The following FAM161A variants were observed in gnomAD, a reference collection of about 807,000 sequenced individuals.
FAM161A encodes the protein protein FAM161A.
FAM161A carries 57 observed loss-of-function variants against 70.9 expected under a neutral mutation model. The ratio of observed to expected loss-of-function variants is 0.80; its 90% CI spans 0.65 to 1.00. FAM161A has a LOEUF of 1.00. Among genes scored for constraint, FAM161A ranks in the 50% least tolerant of loss-of-function variants. FAM161A has a pLI of 0.00. For missense variants in FAM161A, 880 were observed against 836.0 expected (o/e 1.05, Z -0.65); for synonymous variants, 299 against 295.7 (o/e 1.01, Z -0.12).
chr2:61,836,964 CA>C, intron 4 of FAM161A: 1 of 158,156 alleles, frequency 6.3e-6, no homozygotes, highest in South Asian at 1.5e-4. Flanking sequence ...TTCCTGGGCT[CA>C]AATGATCCTC....
chr2:61,811,592 C>G, the FAM161A span, among the ~76,000 whole-genome samples: 1 of 152,110 alleles, frequency 6.6e-6, no homozygotes, highest in African/African-American at 2.4e-5. Flanking sequence ...AGGTTGGTCT[C>G]GAACTCCTGA....
the FAM161A span, among the ~76,000 whole-genome samples, chr2:61,819,159 A>G: frequency 6.6e-6 from 1 of 152,224 alleles, no homozygotes; most frequent in Admixed American, 6.5e-5. Flanking sequence ...AAAGGCAGAG[A>G]GCTGTCTAGA....
At chr2:61,812,519 C>T in the FAM161A span, among the ~76,000 whole-genome samples, 3 of 150,776 alleles carry the variant, frequency 2.0e-5, no homozygotes, top group African/African-American at 7.3e-5. Flanking sequence ...GTCAGGAGTT[C>T]GAGACCAGCC....
chr2:61,812,300 A>G, the FAM161A span, among the ~76,000 whole-genome samples: 1 of 152,242 alleles, frequency 6.6e-6, no homozygotes, highest in Non-Finnish European at 1.5e-5. Flanking sequence ...ATGTATTCTC[A>G]GTACCTAGAT....
At chr2:61,812,885 C>T in the FAM161A span, among the ~76,000 whole-genome samples, 1 of 151,480 alleles carries the variant, frequency 6.6e-6, no homozygotes, top group Non-Finnish European at 1.5e-5. Context: ...CTGGCTAATA[C>T]GGTGAAACCC....
chr2:61,804,243 G>A, the FAM161A span, among the ~76,000 whole-genome samples: 3 of 152,126 alleles, frequency 2.0e-5, no homozygotes, highest in Admixed American at 6.6e-5. Context: ...GGTTTTAGCC[G>A]ACTTCTTTAC....
rs980944949 is a variant in FAM161A at position 61,837,718 on chromosome 2, G to T, written c.1751+820C>A. 2.0e-5 allele frequency among the ~76,000 whole-genome samples: 3 copies of T among 152,198 alleles called. No individual in the cohort carries two copies. In the Middle Eastern group the frequency reaches 0.01, roughly 518 times the overall value. ...CGGGATCCAGCCTAGGTGACAGAGC[G>T]AGACTCTGTCTCAAAAAAATAAATA... On this transcript the variant is annotated intron_variant, in intron 4 of 6. Transcript: ENST00000404929.
chr2:61,819,139 G>C, the FAM161A span, among the ~76,000 whole-genome samples: 1 of 152,080 alleles, frequency 6.6e-6, no homozygotes, highest in South Asian at 2.1e-4. Context: ...ACAATGAAAT[G>C]AAAGACAAAA....
Position 61,838,624 on chromosome 2 carries a change from C to T in FAM161A, c.1665G>A (p.Leu555=), listed in dbSNP as rs6545910. 187,005 of 1,611,266 alleles carry T rather than the reference C, an allele frequency of 0.12. 12,541 individuals are homozygous for T. Among genetic ancestry groups the T allele is most frequent in the Admixed American group, 0.28 (16,777 of 59,794 alleles). ...TAGCCCGGGTTGTCAGGAGTTTCTG[C>T]AATTCTTTCATTCTTTGCTTCTGTT... is the stretch of plus-strand genomic sequence containing the variant. The part of the protein sequence containing the change: ...LTKQKQRMKE[L]QKLLTTRAKA... Residue 555 remains leucine (L), a synonymous_variant, in exon 4 of 7, where the codon TTG becomes TTA. Coordinates refer to ENST00000404929, the MANE Select transcript of FAM161A (RefSeq NM_001201543.2).
intron 1 of FAM161A, 28 bp downstream of exon 1, chr2:61,853,831 C>G: frequency 6.2e-7 from 1 of 1,613,470 alleles, no homozygotes; most frequent in East Asian, 2.2e-5. Flanking sequence ...CATGCGAGGT[C>G]CCAGCCCAAG....
chr2:61,821,140 C>G (rs929979915), downstream of FAM161A, among the ~76,000 whole-genome samples: 7 of 151,842 alleles, frequency 4.6e-5, no homozygotes, highest in African/African-American at 1.7e-4. Context: ...GCAACCTCGG[C>G]CTCCCGGGTT....
chr2:61,844,651 A>G (rs988171402), intron 1 of FAM161A, among the ~76,000 whole-genome samples: 2 of 152,164 alleles, frequency 1.3e-5, no homozygotes, highest in African/African-American at 2.4e-5. Flanking sequence ...GTCAGCCAAG[A>G]TCGTACCACA....
At position 61,840,453 on chromosome 2, in the gene FAM161A, T is replaced by C. The variant is rs1672977605; in HGVS notation, c.551A>G (p.Glu184Gly). The C allele has an allele frequency of 1.2e-6, 2 of 1,614,004 alleles. No homozygotes were observed. The highest frequency in any genetic ancestry group is 3.3e-5 in the Admixed American group (2 of 59,998). Residue 184 changes from glutamate (E) to glycine (G), a missense_variant, in exon 3 of 7, where the codon GAG becomes GGG. Glu to Gly is a moderately conservative substitution (Grantham distance 98, BLOSUM62 -2). Coordinates refer to ENST00000404929, the MANE Select transcript of FAM161A (RefSeq NM_001201543.2). ...CATCATTCTGTTTTTCCTAGGATAC[T>C]CTTTTTCTAGGTTGGGTAACTCCTC... ...SEEELPNLEK[E>G]YPRKNRMMTY...
At chr2:61,835,929 A>G in intron 5 of FAM161A, 81 bp downstream of exon 5, 1 of 925,928 alleles carries the variant, frequency 1.1e-6, no homozygotes, top group Non-Finnish European at 1.7e-6. Flanking sequence ...CATAAGAAAA[A>G]TGGACTGTAA....
chr2:61,849,783 C>CAAAAAAAAAAAAA (rs764962950), intron 1 of FAM161A, among the ~76,000 whole-genome samples: 1 of 53,576 alleles, frequency 1.9e-5, no homozygotes. Flanking sequence ...GACTCCATCA[C>CAAAAAAAAAAAAA]AAAAAAAAAA....
At chr2:61,843,419 G>A (rs921581391) in intron 1 of FAM161A, among the ~76,000 whole-genome samples, 4 of 152,136 alleles carry the variant, frequency 2.6e-5, no homozygotes, top group African/African-American at 9.7e-5. Flanking sequence ...GAGCCACCGT[G>A]CCCTACCCTT....
intron 1 of FAM161A, among the ~76,000 whole-genome samples, chr2:61,849,440 G>C (rs1673419509): frequency 6.6e-6 from 1 of 151,534 alleles, no homozygotes; most frequent in Admixed American, 6.6e-5. Context: ...AGGAGTTTGA[G>C]ACCACCCTGG....
At chr2:61,833,011 G>A (rs1672639604) in intron 5 of FAM161A, among the ~76,000 whole-genome samples, 1 of 152,088 alleles carries the variant, frequency 6.6e-6, no homozygotes, top group Non-Finnish European at 1.5e-5. Flanking sequence ...GGGGATTTTT[G>A]AGAGCTAACA....
chr2:61,843,412 C>T (rs1357002813), intron 1 of FAM161A, among the ~76,000 whole-genome samples: 2 of 152,110 alleles, frequency 1.3e-5, no homozygotes, highest in African/African-American at 2.4e-5. Context: ...TGGGCATGAG[C>T]CACCGTGCCC....
Sources: gnomAD v4.1 joint callset for allele counts (sites outside exome capture counted in the v4.1 genomes callset) on GRCh38, gnomAD v4.1.1 for gene constraint, MANE v1.5 for transcripts, NCBI Gene and HGNC (gene_info 2026-07-23, HGNC 2026-07-21) for gene names.